CAPRIN1: variants seen among roughly 807,000 people sequenced by gnomAD.
CAPRIN1 encodes the protein caprin-1.
In CAPRIN1, 29 loss-of-function variants were observed where a neutral mutation model predicts 100.9. That is an observed-to-expected ratio of 0.29 (90% CI 0.21 to 0.39). CAPRIN1 has a LOEUF of 0.39. Ranked by LOEUF, CAPRIN1 falls within the 10% of genes least tolerant of loss-of-function variation. The pLI is 1.00. For missense variants in CAPRIN1, 795 were observed against 876.7 expected (o/e 0.91, Z 1.18); for synonymous variants, 338 against 307.5 (o/e 1.10, Z -1.04).
intron 2 of CAPRIN1, among the ~76,000 whole-genome samples, chr11:34,066,591 C>G (rs989584225): frequency 6.7e-6 from 1 of 150,274 alleles, no homozygotes; most frequent in Non-Finnish European, 1.5e-5. Flanking sequence ...CTCAGCCTCC[C>G]GAAGTGCTGG....
chr11:34,052,226 G>GGCGCCCCGCTGGCGGGTCGCGCGC, intron 1 of CAPRIN1, 195 bp from the exon 2 acceptor site: 3 of 189,402 alleles, frequency 1.6e-5, no homozygotes, highest in African/African-American at 5.7e-5. Flanking sequence ...GGCCCAGCCG[G>GGCGCCCCGCTGGCGGGTCGCGCGC]GCGCCCCGCT....
At chr11:34,054,374 C>A (rs992857385) in intron 2 of CAPRIN1, among the ~76,000 whole-genome samples, 1 of 151,988 alleles carries the variant, frequency 6.6e-6, no homozygotes, top group Non-Finnish European at 1.5e-5. Flanking sequence ...ATGCCCAAGG[C>A]CAGTATCTTC....
Position 34,053,191 on chromosome 11 carries a change from A to G in CAPRIN1, c.216+555A>G, listed in dbSNP as rs1017647489. ...AGTGTGTTTAGAATCTTAAGGTAGAACTGCCTTTCCGGCAGGCCCATTTTG... is the reference window on the plus strand; with the variant it reads ...AGTGTGTTTAGAATCTTAAGGTAGAGCTGCCTTTCCGGCAGGCCCATTTTG... On this transcript the variant is annotated intron_variant, in intron 2 of 18. Transcript: ENST00000341394. The G allele has an allele frequency of 4.1e-6, 4 of 982,010 alleles. No individual in the cohort carries two copies. The African/African-American group carries it at 7.0e-5, about 17-fold the overall frequency. 60.8% of individuals were successfully genotyped at this position (982,010 alleles called of 1,614,324 possible). A position where few individuals can be genotyped will look rare whatever the true frequency, so the allele number is the denominator to read the frequency against.
rs889303170 is a variant in CAPRIN1 at position 34,079,636 on chromosome 11, C to A, written c.697C>A (p.Leu233Ile). Reference protein sequence around the residue: ...KPVCGTTYKVLKEIVERVFQS... With the variant: ...KPVCGTTYKVIKEIVERVFQS... Reference sequence around the variant, plus strand: ...CATGTTCTTTTTCTTAGATAAAGTTCTAAAGGAAATTGTTGAGCGTGTTTT... The same window carrying A: ...CATGTTCTTTTTCTTAGATAAAGTTATAAAGGAAATTGTTGAGCGTGTTTT... Residue 233 changes from leucine (L) to isoleucine (I), a missense_variant, in exon 7 of 19, where the codon CTA becomes ATA. By Grantham distance (5) the Leu-to-Ile change is conservative. Transcript: ENST00000341394. 1.2e-6 allele frequency: 2 copies of A among 1,613,336 alleles called. No homozygotes were observed. The highest frequency in any genetic ancestry group is 1.7e-6 in the Non-Finnish European group (2 of 1,179,630).
intron 1 of CAPRIN1, 155 bp from the exon 2 acceptor site, chr11:34,052,266 T>A: frequency 1.6e-6 from 1 of 611,556 alleles, no homozygotes; most frequent in Non-Finnish European, 2.8e-6. Context: ...CGCGCACTCT[T>A]CCTGCCCTCG....
chr11:34,072,168 T>A (rs576780622), intron 4 of CAPRIN1, among the ~76,000 whole-genome samples, 181 bp downstream of exon 4: 1 of 152,258 alleles, frequency 6.6e-6, no homozygotes, highest in Non-Finnish European at 1.5e-5. Flanking sequence ...TTAAAAATAC[T>A]AAGTTTGAAA....
chr11:34,062,108 G>GT (rs1850592711), intron 2 of CAPRIN1, among the ~76,000 whole-genome samples: 1 of 152,168 alleles, frequency 6.6e-6, no homozygotes, highest in Non-Finnish European at 1.5e-5. Flanking sequence ...GGATTGTAGT[G>GT]TATGTTCTTT....
intron 2 of CAPRIN1, among the ~76,000 whole-genome samples, chr11:34,067,317 TAA>T (rs1319233738): frequency 1.3e-5 from 2 of 152,192 alleles, no homozygotes; most frequent in East Asian, 3.8e-4. Context: ...GAAAATTCTG[TAA>T]AAGAGTCTTG....
At chr11:34,069,659 AT>A (rs1554969447) in intron 2 of CAPRIN1, among the ~76,000 whole-genome samples, 2 of 151,756 alleles carry the variant, frequency 1.3e-5, no homozygotes, top group Non-Finnish European at 2.9e-5. Context: ...GTAAAAAAAA[AT>A]TTTTTTCCCT....
In CAPRIN1 at chr11:34,102,141, C is replaced by G. The variant is rs1851463415; in HGVS notation, c.*2774C>G. Among the ~76,000 whole-genome samples the G allele has an allele frequency of 6.6e-6, 1 of 152,112 alleles. No homozygotes were observed. The highest frequency in any genetic ancestry group is 2.4e-5 in the African/African-American group (1 of 41,430). On this transcript the variant is annotated 3_prime_UTR_variant, in exon 19 of 19. Coordinates refer to ENST00000341394, the MANE Select transcript of CAPRIN1 (RefSeq NM_005898.5). ...TTCTTTTGTCTCCTTTTATATGCAG[C>G]TCTTACGTGGGAGACTTTTCCACTT...
At chr11:34,090,463 C>T (rs959479465) in intron 13 of CAPRIN1, 66 bp from the exon 14 acceptor site, 4 of 1,533,278 alleles carry the variant, frequency 2.6e-6, no homozygotes, top group African/African-American at 2.7e-5. Context: ...TTTAGTACAT[C>T]TGTTCACTTT....
intron 2 of CAPRIN1, among the ~76,000 whole-genome samples, chr11:34,053,903 A>G (rs1850390910): frequency 6.6e-6 from 1 of 152,228 alleles, no homozygotes; most frequent in African/African-American, 2.4e-5. Flanking sequence ...TTATAAAGTA[A>G]AATGAAGCCT....
intron 7 of CAPRIN1, among the ~76,000 whole-genome samples, chr11:34,081,810 C>CT (rs879323671): frequency 1.6e-4 from 24 of 150,720 alleles, no homozygotes; most frequent in South Asian, 6.3e-4. Context: ...AAGTTGAATT[C>CT]TTTTTTGTGG....
At chr11:34,080,275 A>G (rs1281668651) in intron 7 of CAPRIN1, among the ~76,000 whole-genome samples, 2 of 152,118 alleles carry the variant, frequency 1.3e-5, no homozygotes, top group Admixed American at 6.6e-5. Flanking sequence ...AGTATTCATT[A>G]TATTTGTCTT....
intron 9 of CAPRIN1, among the ~76,000 whole-genome samples, chr11:34,084,627 A>G (rs1368074721): frequency 6.6e-6 from 1 of 152,136 alleles, no homozygotes; most frequent in African/African-American, 2.4e-5. Context: ...CTGGAGGATA[A>G]GTGAACCTGT....
At chr11:34,052,268 C>G in intron 1 of CAPRIN1, 153 bp from the exon 2 acceptor site, 1 of 624,356 alleles carries the variant, frequency 1.6e-6, no homozygotes. Context: ...CGCACTCTTC[C>G]TGCCCTCGAG....
chr11:34,072,044 T>C lies in CAPRIN1; in HGVS notation c.366+57T>C. On this transcript the variant is annotated intron_variant, in intron 4 of 18. Transcript: ENST00000341394. ...ATACTTTTGTTGTTTCTTTGGGTTT[T>C]AGTCCTTCCATTACTATTGATAAGC... The C allele has an allele frequency of 2.6e-6, 3 of 1,172,034 alleles. No homozygotes were observed. In the South Asian group the frequency reaches 4.0e-5, roughly 16 times the overall value. 72.6% of individuals were successfully genotyped at this position (1,172,034 alleles called of 1,614,324 possible).
Position 34,051,839 on chromosome 11 carries a change from C to G in CAPRIN1, c.-33C>G, listed in dbSNP as rs1204343533. On this transcript the variant is annotated 5_prime_UTR_variant, in exon 1 of 19. Coordinates refer to ENST00000341394, the MANE Select transcript of CAPRIN1 (RefSeq NM_005898.5). The stretch of plus-strand genomic sequence containing the variant: ...CCACCCTTGCCCCCTCAGCTGCCCA[C>G]TCGTGATTTCCAGCGGCCTCCGCGC... The G allele has an allele frequency of 6.5e-6, 1 of 152,840 alleles. No individual in the cohort carries two copies. The highest frequency in any genetic ancestry group is 1.5e-5 in the Non-Finnish European group (1 of 68,576). 9.5% of individuals were successfully genotyped at this position (152,840 alleles called of 1,614,324 possible).
chr11:34,076,130 TCTCA>T, intron 4 of CAPRIN1, 102 bp from the exon 5 acceptor site: 1 of 702,428 alleles, frequency 1.4e-6, no homozygotes, highest in Non-Finnish European at 2.4e-6. Flanking sequence ...TGAGGTCATA[TCTCA>T]CTCATTGAGT....
Sources: gnomAD v4.1 joint callset for allele counts (sites outside exome capture counted in the v4.1 genomes callset) on GRCh38, gnomAD v4.1.1 for gene constraint, MANE v1.5 for transcripts, NCBI Gene and HGNC (gene_info 2026-07-23, HGNC 2026-07-21) for gene names.